The following SLCO5A1 variants were observed in gnomAD, a reference collection of about 807,000 sequenced individuals.
The protein encoded by SLCO5A1 is organic anion transporter polypeptide-related protein 4.
In SLCO5A1, 39 loss-of-function variants were observed where a neutral mutation model predicts 65.1. That is an observed-to-expected ratio of 0.60 (90% confidence interval 0.46 to 0.78). The LOEUF (loss-of-function observed/expected upper bound fraction) is 0.78, where lower values mean the gene tolerates loss of function less well. Ranked by LOEUF, SLCO5A1 falls within the 30% of genes least tolerant of loss-of-function variation. The probability of loss-of-function intolerance (pLI) is 0.00; values close to 1 mark genes in which losing one functional copy is unlikely to be tolerated. For missense variants in SLCO5A1, 1,029 were observed against 1,069.4 expected (o/e 0.96, Z 0.53); for synonymous variants, 438 against 415.7 (o/e 1.05, Z -0.65).
At chr8:69,719,341 A>C (rs1338392381) in intron 5 of SLCO5A1, among the ~76,000 whole-genome samples, 1 of 152,196 alleles carries the variant, frequency 6.6e-6, no homozygotes, top group African/African-American at 2.4e-5. Context: ...AAGCGCAAAC[A>C]TACTCTAGGA....
At chr8:69,708,367 T>C (rs1310001558) in intron 5 of SLCO5A1, among the ~76,000 whole-genome samples, 1 of 152,198 alleles carries the variant, frequency 6.6e-6, no homozygotes, top group Non-Finnish European at 1.5e-5. Flanking sequence ...TATAAGTAGA[T>C]ACAGTATATA....
At chr8:69,717,383 C>G (rs1157029310) in intron 5 of SLCO5A1, among the ~76,000 whole-genome samples, 1 of 152,166 alleles carries the variant, frequency 6.6e-6, no homozygotes, top group East Asian at 1.9e-4. Flanking sequence ...AGCCTTGGCA[C>G]TCTTGTCAAA....
chr8:69,714,703 CA>C (rs1815432785), intron 5 of SLCO5A1: 2 of 152,140 alleles, frequency 1.3e-5, no homozygotes, highest in South Asian at 4.1e-4. Flanking sequence ...TAAAGGCTTT[CA>C]AAGGAATTAC....
rs1813691195 is a variant in SLCO5A1, at chr8:69,679,767, T to C, written c.1783-148A>G. ...TATTTCATTGAAAGTACCTTCCTCA[T>C]TGGTAACAGTAAGGATCTCAAGTGT... On this transcript the variant is annotated intron_variant, in intron 7 of 9. Transcript: ENST00000260126. 12 of 1,139,040 alleles carry C rather than the reference T, an allele frequency of 1.1e-5. No homozygotes were observed. The East Asian group carries it at 1.9e-4, about 18-fold the overall frequency. The allele number at this position is 1,139,040 out of a possible 1,614,324, so 70.6% of individuals were successfully genotyped here.
At chr8:69,775,785 G>A (rs114063261) in intron 2 of SLCO5A1, among the ~76,000 whole-genome samples, 137 of 152,184 alleles carry the variant, frequency 9.0e-4, no homozygotes, top group African/African-American at 2.7e-3. Flanking sequence ...AGGCCACGGC[G>A]GGAAGATCAC....
In SLCO5A1 at chr8:69,678,964, G is replaced by T. The variant is rs550607056; in HGVS notation, c.2024+414C>A. Among the ~76,000 whole-genome samples, 26 of 152,326 alleles carry T rather than the reference G, an allele frequency of 1.7e-4. No homozygotes were observed. The South Asian group carries it at 5.4e-3, about 32-fold the overall frequency. ...GGCAGTAACTATCTATAAGGTTGAA[G>T]ATAATAGCCTTTGCTGTATGCACGA... is the stretch of plus-strand genomic sequence containing the variant. On this transcript the variant is annotated intron_variant, in intron 8 of 9. Coordinates refer to ENST00000260126, the MANE Select transcript of SLCO5A1 (RefSeq NM_030958.3).
chr8:69,690,065 G>A (rs189616023), intron 6 of SLCO5A1, among the ~76,000 whole-genome samples: 440 of 152,226 alleles, frequency 2.9e-3, no homozygotes, highest in African/African-American at 0.01. Context: ...GGGGGCGCCA[G>A]GGGCCTCCCA....
At chr8:69,695,701 C>T (rs553015409) in intron 6 of SLCO5A1, among the ~76,000 whole-genome samples, 11 of 151,920 alleles carry the variant, frequency 7.2e-5, no homozygotes, top group Middle Eastern at 6.8e-3. Flanking sequence ...TATGAGAAAC[C>T]CAAGACTCAA....
chr8:69,813,831 C>A (rs16936462), intron 2 of SLCO5A1, among the ~76,000 whole-genome samples: 51,534 of 152,082 alleles, frequency 0.34, 8,866 homozygotes, highest in African/African-American at 0.39. Flanking sequence ...ATAAAAAACT[C>A]AGCCAAAGTC....
At chr8:69,708,340 A>T (rs1815066133) in intron 5 of SLCO5A1, among the ~76,000 whole-genome samples, 1 of 152,198 alleles carries the variant, frequency 6.6e-6, no homozygotes, top group African/African-American at 2.4e-5. Context: ...CTTAGAATGA[A>T]GATTACAGGC....
chr8:69,705,267 TGTACACTATTA>T (rs761946017), intron 5 of SLCO5A1, 38 bp from the exon 6 acceptor site: 3 of 1,587,436 alleles, frequency 1.9e-6, no homozygotes, highest in Non-Finnish European at 2.6e-6. Flanking sequence ...TTTGAACTCA[TGTACACTATTA>T]TTCATCTTAT....
chr8:69,721,228 A>G (rs939242034), intron 5 of SLCO5A1, among the ~76,000 whole-genome samples: 1 of 152,202 alleles, frequency 6.6e-6, no homozygotes, highest in African/African-American at 2.4e-5. Flanking sequence ...TGGAGAAGAA[A>G]TTGGAAGCAC....
At chr8:69,820,484 G>A (rs899539755) in intron 2 of SLCO5A1, among the ~76,000 whole-genome samples, 4 of 152,202 alleles carry the variant, frequency 2.6e-5, no homozygotes, top group Admixed American at 2.6e-4. Flanking sequence ...AAATAAAATT[G>A]TATAGATATT....
intron 2 of SLCO5A1, among the ~76,000 whole-genome samples, chr8:69,774,818 GACATGAAGA>G (rs2130877138): frequency 6.6e-6 from 1 of 152,184 alleles, no homozygotes; most frequent in East Asian, 1.9e-4. Context: ...GATAACAGAG[GACATGAAGA>G]ACAATCCACG....
Position 69,667,883 on chromosome 8 carries a change from G to A in SLCO5A1, c.*4986C>T, listed in dbSNP as rs1487609062. On this transcript the variant is annotated 3_prime_UTR_variant, in exon 10 of 10. Coordinates refer to ENST00000260126, the MANE Select transcript of SLCO5A1 (RefSeq NM_030958.3). ...ACGCTTCATTTTTGCAGCATAGATG[G>A]AGTAACTGTTGAAATGAGAGTAATG... 6.6e-6 allele frequency: 1 copy of A among 152,180 alleles called. No individual in the cohort carries two copies. The highest frequency in any genetic ancestry group is 1.5e-5 in the Non-Finnish European group (1 of 68,030). 9.4% of individuals were successfully genotyped at this position (152,180 alleles called of 1,614,324 possible). A position where few individuals can be genotyped will look rare whatever the true frequency, so the allele number is the denominator to read the frequency against.
In SLCO5A1 at chr8:69,682,473, A is replaced by G. The variant is rs574843990; in HGVS notation, c.1623-130T>C. The G allele has an allele frequency of 3.7e-5, 31 of 843,486 alleles. No individual in the cohort carries two copies. In the African/African-American group the frequency reaches 5.1e-4, roughly 14 times the overall value. 52.3% of individuals were successfully genotyped at this position (843,486 alleles called of 1,614,324 possible). On this transcript the variant is annotated intron_variant, in intron 6 of 9. Coordinates refer to ENST00000260126, the MANE Select transcript of SLCO5A1 (RefSeq NM_030958.3). ...CCATTGAATCAAAGCCATGATACCC[A>G]AAGTAGTCATCCTCAACAATTATTT...
At position 69,672,081 on chromosome 8, in the gene SLCO5A1, C is replaced by G. The variant is rs1278153995; in HGVS notation, c.*788G>C. On this transcript the variant is annotated 3_prime_UTR_variant, in exon 10 of 10. Transcript: ENST00000260126. The stretch of plus-strand genomic sequence containing the variant: ...TACAGTTTCTAGCCATATTGTTTAG[C>G]ACACTAGTTTTAATGCTCCTTACAA... 3 of 152,182 alleles carry G rather than the reference C, an allele frequency of 2.0e-5. No homozygotes were observed. Among genetic ancestry groups the G allele is most frequent in the Non-Finnish European group, 4.4e-5 (3 of 68,048 alleles). The allele number at this position is 152,182 out of a possible 1,614,324, so 9.4% of individuals were successfully genotyped here.
chr8:69,801,820 G>T (rs1819750101), intron 2 of SLCO5A1, among the ~76,000 whole-genome samples: 1 of 152,122 alleles, frequency 6.6e-6, no homozygotes, highest in African/African-American at 2.4e-5. Flanking sequence ...TCTCATTTTG[G>T]CTGAGCAAAC....
Position 69,724,169 on chromosome 8 carries a change from A to T in SLCO5A1, c.1423+13871T>A, listed in dbSNP as rs1252614917. Among the ~76,000 whole-genome samples, 4 of 152,226 alleles carry T rather than the reference A, an allele frequency of 2.6e-5. 1 individual carries two copies. In the East Asian group the frequency reaches 5.8e-4, roughly 22 times the overall value. On this transcript the variant is annotated intron_variant, in intron 5 of 9. Coordinates refer to ENST00000260126, the MANE Select transcript of SLCO5A1 (RefSeq NM_030958.3). ...TTTTGCATTTAATATATAAATACCT[A>T]TTCAATTTTTTACATTTTCAAAAGG...
Sources: gnomAD v4.1 joint callset for allele counts (sites outside exome capture counted in the v4.1 genomes callset) on GRCh38, gnomAD v4.1.1 for gene constraint, MANE v1.5 for transcripts, NCBI Gene and HGNC (gene_info 2026-07-23, HGNC 2026-07-21) for gene names.